Variants in MTUS2 observed in about 807,000 individuals in gnomAD.
MTUS2 encodes microtubule-associated tumor suppressor candidate 2.
Under a neutral mutation model 114.1 loss-of-function variants are expected in MTUS2, and 40 were observed. That is an observed-to-expected ratio of 0.35 (90% CI 0.27 to 0.46). MTUS2 has a LOEUF of 0.46. MTUS2 is among the 20% of genes least tolerant of loss of function. MTUS2 has a pLI of 1.00. For missense variants in MTUS2, 1,679 were observed against 1,705.4 expected, an observed-to-expected ratio of 0.98 and a Z score of 0.27; for synonymous variants, 688 against 672.0, an observed-to-expected ratio of 1.02 and a Z score of -0.37.
Position 29,496,137 on chromosome 13 carries a change from T to A in MTUS2, c.3580-1101T>A, listed in dbSNP as rs112394121. ...TGGTCCTGAGAGTCATGGCCAGAGC[T>A]GAGTGGGGCAGGGTCAGTGCAGGTG... On this transcript the variant is annotated intron_variant, in intron 12 of 15. Coordinates refer to ENST00000612955, the MANE Select transcript of MTUS2 (RefSeq NM_001033602.4). This position sits in a 1 kb window ranked among gnomAD's most constrained non-coding sequence, Gnocchi z 4.3. 1.6e-4 allele frequency among the ~76,000 whole-genome samples: 25 copies of A among 152,192 alleles called. 1 individual carries two copies. The highest frequency in any genetic ancestry group is 3.4e-3 in the Middle Eastern group (1 of 294).
At chr13:29,205,187 C>T (rs1204047108) in intron 5 of MTUS2, among the ~76,000 whole-genome samples, 1 of 152,188 alleles carries the variant, frequency 6.6e-6, no homozygotes, top group Non-Finnish European at 1.5e-5. Flanking sequence ...AAATCATTTA[C>T]TCATACAGTA....
At chr13:29,089,152 T>C (rs1308571870) in intron 4 of MTUS2, among the ~76,000 whole-genome samples, 1 of 152,246 alleles carries the variant, frequency 6.6e-6, no homozygotes, top group African/African-American at 2.4e-5. Flanking sequence ...GATCTGGTGG[T>C]AACAATTTTC....
intron 1 of MTUS2, among the ~76,000 whole-genome samples, chr13:28,832,700 T>C (rs1280078459): frequency 2.7e-5 from 4 of 146,852 alleles, no homozygotes; most frequent in African/African-American, 9.9e-5. Context: ...TAAATATAAA[T>C]AAAAATAAGT....
intron 7 of MTUS2, among the ~76,000 whole-genome samples, chr13:29,326,544 T>G (rs1237954583): frequency 6.6e-6 from 1 of 150,418 alleles, no homozygotes; most frequent in Non-Finnish European, 1.5e-5. Context: ...ATTCAATCAA[T>G]ATAAAGGAAG....
chr13:29,268,347 G>A (rs1897745918), intron 5 of MTUS2, among the ~76,000 whole-genome samples: 1 of 152,226 alleles, frequency 6.6e-6, no homozygotes. Flanking sequence ...CTCAGTTTTA[G>A]GAGGGAGTCA....
Position 29,247,510 on chromosome 13 carries a change from G to C in MTUS2, c.2645-34194G>C, listed in dbSNP as rs570643994. On this transcript the variant is annotated intron_variant, in intron 5 of 15. Coordinates refer to ENST00000612955, the MANE Select transcript of MTUS2 (RefSeq NM_001033602.4). Reference sequence around the variant, plus strand: ...GAAAATCTTTGCAAACTATGCATCTGATAAAGGACTAATAACCAGAATCTA... The same window carrying C: ...GAAAATCTTTGCAAACTATGCATCTCATAAAGGACTAATAACCAGAATCTA... Among the ~76,000 whole-genome samples the C allele has an allele frequency of 2.0e-5, 3 of 152,272 alleles. No individual in the cohort carries two copies. In the Middle Eastern group the frequency reaches 0.01, roughly 518 times the overall value.
At chr13:28,965,753 C>T (rs1482442713) in intron 2 of MTUS2, among the ~76,000 whole-genome samples, 2 of 152,146 alleles carry the variant, frequency 1.3e-5, no homozygotes, top group East Asian at 1.9e-4. Context: ...CAGCTCAAGT[C>T]CCAAGTCAGT....
At chr13:29,249,474 G>C (rs565478280) in intron 5 of MTUS2, among the ~76,000 whole-genome samples, 2 of 152,178 alleles carry the variant, frequency 1.3e-5, no homozygotes, top group South Asian at 2.1e-4. Context: ...AGCATCTGTT[G>C]TTTCTTGACA....
rs751393468 is a variant in MTUS2, at chr13:28,972,634, C to T, written c.-242-51823C>T. Reference sequence around the variant, plus strand: ...CAGTAAAACCTAAATACTAATGTCGCAGCCCCGAGTTCTGAGAGCTGCAGG... The same window carrying T: ...CAGTAAAACCTAAATACTAATGTCGTAGCCCCGAGTTCTGAGAGCTGCAGG... On this transcript the variant is annotated intron_variant, in intron 2 of 15. Coordinates refer to ENST00000612955, the MANE Select transcript of MTUS2 (RefSeq NM_001033602.4). Among the ~76,000 whole-genome samples, 3 of 152,176 alleles carry T rather than the reference C, an allele frequency of 2.0e-5. No homozygotes were observed. The South Asian group carries it at 6.2e-4, about 31-fold the overall frequency.
intron 2 of MTUS2, among the ~76,000 whole-genome samples, chr13:28,961,214 A>G (rs533278205): frequency 2.6e-5 from 4 of 152,180 alleles, no homozygotes; most frequent in Non-Finnish European, 5.9e-5. Context: ...AATTACTCAA[A>G]TAGTGGCTGA....
At chr13:28,831,931 TA>T (rs1874713766) in intron 1 of MTUS2, among the ~76,000 whole-genome samples, 2 of 147,942 alleles carry the variant, frequency 1.4e-5, no homozygotes, top group African/African-American at 4.9e-5. Flanking sequence ...TATTTTTTTG[TA>T]TTTTTTTTTT....
intron 6 of MTUS2, among the ~76,000 whole-genome samples, chr13:29,301,251 C>T (rs1350840244): frequency 6.6e-6 from 1 of 152,178 alleles, no homozygotes; most frequent in Non-Finnish European, 1.5e-5. Context: ...CAGCAGCTCT[C>T]ATTGCCCTTT....
chr13:29,048,315 C>G (rs9506080), intron 4 of MTUS2, among the ~76,000 whole-genome samples: 49,504 of 152,104 alleles, frequency 0.33, 8,674 homozygotes, highest in East Asian at 0.63. Flanking sequence ...CTGTCCCTGT[C>G]TAGTAATTCT....
intron 7 of MTUS2, chr13:29,339,813 C>G (rs1593322425): frequency 6.5e-6 from 1 of 154,942 alleles, no homozygotes; most frequent in Non-Finnish European, 1.4e-5. Flanking sequence ...TTGCAGCCAT[C>G]CTTGACCTGG....
intron 5 of MTUS2, among the ~76,000 whole-genome samples, chr13:29,148,193 T>A (rs1430671144): frequency 6.6e-6 from 1 of 152,006 alleles, no homozygotes; most frequent in African/African-American, 2.4e-5. Context: ...TGATTAGTGA[T>A]GTTGAGCTTT....
At chr13:29,358,913 A>G (rs2138223793) in intron 7 of MTUS2, among the ~76,000 whole-genome samples, 1 of 149,116 alleles carries the variant, frequency 6.7e-6, no homozygotes, top group South Asian at 2.2e-4. Flanking sequence ...GGATTGATTG[A>G]TTAATTTCCC....
At chr13:29,473,023 A>G (rs1416475444) in intron 9 of MTUS2, among the ~76,000 whole-genome samples, 2 of 152,176 alleles carry the variant, frequency 1.3e-5, no homozygotes, top group East Asian at 1.9e-4. Flanking sequence ...TTAATCTTTT[A>G]TCTAACTGTG....
intron 10 of MTUS2, among the ~76,000 whole-genome samples, chr13:29,484,643 G>A (rs1280554964): frequency 6.6e-6 from 1 of 152,248 alleles, no homozygotes; most frequent in Admixed American, 6.5e-5. Flanking sequence ...GTCATTAAGA[G>A]CGTGGGAGAG....
At chr13:29,248,462 A>T (rs573912063) in intron 5 of MTUS2, among the ~76,000 whole-genome samples, 1 of 152,334 alleles carries the variant, frequency 6.6e-6, no homozygotes, top group African/African-American at 2.4e-5. Flanking sequence ...AAAAATTTTT[A>T]AATATATTTT....
Sources: allele counts gnomAD v4.1 joint callset (sites outside exome capture counted in the v4.1 genomes callset), GRCh38; gene constraint gnomAD v4.1.1; non-coding constraint Gnocchi (gnomAD v3.1); transcripts MANE v1.5; gene names NCBI Gene and HGNC (gene_info 2026-07-23, HGNC 2026-07-21).